MAOA: variants seen among roughly 807,000 people sequenced by gnomAD.
The protein encoded by MAOA is monoamine oxidase A.
Under a neutral mutation model 42.0 loss-of-function variants are expected in MAOA, and 6 were observed. The observed-to-expected ratio is 0.14, with a 90% confidence interval of 0.08 to 0.28. MAOA has a LOEUF of 0.28. Ranked by LOEUF, MAOA falls within the 10% of genes least tolerant of loss-of-function variation. MAOA has a pLI of 1.00. For synonymous variants in MAOA, 140 were observed against 154.0 expected, an observed-to-expected ratio of 0.91 and a Z score of 0.67; for missense variants, 262 against 422.3, an observed-to-expected ratio of 0.62 and a Z score of 3.33.
intron 2 of MAOA, among the ~76,000 whole-genome samples, chrX:43,685,217 G>A (rs962364162): frequency 8.1e-5 from 9 of 111,520 alleles, no homozygotes; most frequent in African/African-American, 2.6e-4. Flanking sequence ...TTATTGTCTT[G>A]TGGTAACAAG....
intron 3 of MAOA, among the ~76,000 whole-genome samples, chrX:43,710,215 G>C (rs1439589758): frequency 8.9e-6 from 1 of 112,709 alleles, no homozygotes; most frequent in African/African-American, 3.2e-5. Context: ...CATAGAGAAG[G>C]ATCTCAATAA....
chrX:43,702,566 G>A (rs900812416), intron 3 of MAOA, among the ~76,000 whole-genome samples: 5 of 112,091 alleles, frequency 4.5e-5, no homozygotes, highest in Non-Finnish European at 9.4e-5. Context: ...GTAACCAGAA[G>A]AAGAAAATTC....
Position 43,731,864 on chromosome X carries a change from A to G in MAOA, c.955+11A>G. The G allele has an allele frequency of 8.4e-7, 1 of 1,191,408 alleles. No individual in the cohort carries two copies. The highest frequency in any genetic ancestry group is 1.1e-6 in the Non-Finnish European group (1 of 876,959). On this transcript the variant is annotated intron_variant, in intron 8 of 14. Transcript: ENST00000338702. ...TCTGGAAGAAGAAGGGTAGGCTGCT[A>G]TTATTCATGTTTAAACTGTATTATA...
chrX:43,722,614 A>C (rs1405115017), intron 5 of MAOA, among the ~76,000 whole-genome samples: 1 of 111,765 alleles, frequency 8.9e-6, no homozygotes, highest in Non-Finnish European at 1.9e-5. Context: ...AGATTACAAA[A>C]ATTTTCTCCC....
intron 5 of MAOA, among the ~76,000 whole-genome samples, chrX:43,724,784 C>A (rs1271382428): frequency 2.7e-5 from 3 of 111,853 alleles, no homozygotes; most frequent in African/African-American, 9.8e-5. Flanking sequence ...AGTTTTAGAT[C>A]TTCCCTGCTT....
chrX:43,718,035 C>T (rs1224416017), intron 5 of MAOA, among the ~76,000 whole-genome samples: 2 of 110,193 alleles, frequency 1.8e-5, no homozygotes, highest in African/African-American at 6.6e-5. Context: ...CCCAAGATAA[C>T]CAAGAGGATA....
At chrX:43,675,881 G>A (rs1051625272) in intron 1 of MAOA, among the ~76,000 whole-genome samples, 21 of 112,154 alleles carry the variant, frequency 1.9e-4, no homozygotes, top group South Asian at 3.7e-4. Context: ...TAGGCTGCTC[G>A]GGGGTCAGGG....
At chrX:43,732,605 T>C in intron 8 of MAOA, 94 bp from the exon 9 acceptor site, 1 of 628,794 alleles carries the variant, frequency 1.6e-6, no homozygotes, top group Non-Finnish European at 2.7e-6. Flanking sequence ...AGTTTTTACT[T>C]CCTCTTAAAA....
intron 1 of MAOA, among the ~76,000 whole-genome samples, chrX:43,682,733 T>A (rs1230361340): frequency 9.0e-6 from 1 of 111,450 alleles, no homozygotes; most frequent in African/African-American, 3.3e-5. Flanking sequence ...AAAGAATAAC[T>A]ATAGTGGAAA....
At chrX:43,656,107 G>C (rs907307474), upstream of MAOA, 46 of 428,145 alleles carry the variant, frequency 1.1e-4, no homozygotes, top group Non-Finnish European at 9.0e-5. Flanking sequence ...GGTCCGCCCC[G>C]CTCTCAGTGC....
At chrX:43,683,363 T>G in intron 1 of MAOA, 150 bp from the exon 2 acceptor site, 1 of 482,805 alleles carries the variant, frequency 2.1e-6, no homozygotes, top group Non-Finnish European at 3.7e-6. Flanking sequence ...GGTGGCTCAC[T>G]TAATCACAGT....
upstream of MAOA, chrX:43,656,250 C>T (rs761673378): frequency 4.9e-6 from 4 of 824,412 alleles, no homozygotes; most frequent in South Asian, 4.3e-5. Context: ...GCTCCGCCCC[C>T]GGGCTCCCCG....
At chrX:43,659,355 C>A (rs1390946751) in intron 1 of MAOA, among the ~76,000 whole-genome samples, 3 of 111,648 alleles carry the variant, frequency 2.7e-5, no homozygotes, top group African/African-American at 9.8e-5. Context: ...TTAAAATGCT[C>A]TGGTCCTTAA....
chrX:43,656,129 C>T (rs2033176689), upstream of MAOA: 1 of 439,575 alleles, frequency 2.3e-6, no homozygotes, highest in African/African-American at 2.4e-5. Context: ...CAGCTCCCCC[C>T]GGGTATCAGC....
At chrX:43,718,470 G>A (rs910365438) in intron 5 of MAOA, among the ~76,000 whole-genome samples, 2 of 109,290 alleles carry the variant, frequency 1.8e-5, no homozygotes, top group African/African-American at 3.3e-5. Context: ...AAGGCTCTGC[G>A]GGGAAACAGG....
chrX:43,700,344 A>G (rs1231863738), intron 3 of MAOA, among the ~76,000 whole-genome samples: 1 of 112,399 alleles, frequency 8.9e-6, no homozygotes, highest in East Asian at 2.8e-4. Flanking sequence ...CTGCTCCAAG[A>G]TATGACAAAA....
intron 5 of MAOA, among the ~76,000 whole-genome samples, chrX:43,719,899 A>T (rs1476762989): frequency 9.0e-6 from 1 of 111,142 alleles, no homozygotes. Flanking sequence ...ATTGTGTGGC[A>T]GGATGGTATC....
At chrX:43,721,737 C>T (rs1330257796) in intron 5 of MAOA, among the ~76,000 whole-genome samples, 3 of 108,038 alleles carry the variant, frequency 2.8e-5, no homozygotes, top group Non-Finnish European at 5.7e-5. Flanking sequence ...ATGTGTACAA[C>T]ATGCAGGTTT....
intron 5 of MAOA, among the ~76,000 whole-genome samples, chrX:43,718,686 G>T (rs1458765261): frequency 1.8e-5 from 2 of 110,136 alleles, no homozygotes; most frequent in African/African-American, 3.3e-5. Flanking sequence ...GAGAGAGAAA[G>T]CATGAATGGT....
Sources: gnomAD v4.1 joint callset for allele counts (sites outside exome capture counted in the v4.1 genomes callset) on GRCh38, gnomAD v4.1.1 for gene constraint, MANE v1.5 for transcripts, NCBI Gene and HGNC (gene_info 2026-07-23, HGNC 2026-07-21) for gene names.